The following UTS2B variants were observed in gnomAD, a reference collection of about 807,000 sequenced individuals.
UTS2B encodes urotensin-2B.
In UTS2B, 21 loss-of-function variants were observed where a neutral mutation model predicts 19.2. The ratio of observed to expected loss-of-function variants is 1.09; its 90% CI spans 0.78 to 1.58. UTS2B has a LOEUF of 1.58. UTS2B is among the 40% of genes most tolerant of loss of function. The probability of loss-of-function intolerance (pLI) is 0.00; values close to 1 mark genes in which losing one functional copy is unlikely to be tolerated. For missense variants in UTS2B, 138 were observed against 130.3 expected (o/e 1.06, Z -0.29); for synonymous variants, 57 against 50.2 (o/e 1.14, Z -0.58).
Position 191,268,424 on chromosome 3 carries a change from A to G in UTS2B, c.352T>C (p.Cys118Arg), listed in dbSNP as rs1423175618. The G allele has an allele frequency of 2.6e-6, 4 of 1,562,248 alleles. No individual in the cohort carries two copies. In the African/African-American group the frequency reaches 5.4e-5, roughly 21 times the overall value. ...PSKRACFWKYCV is the reference protein window; with the variant it reads ...PSKRACFWKYRV ...CATCCAGAGAAAAAGCTTTAAACAC[A>G]GTATTTCCAAAAGCAAGCTAAAGAA... Residue 118 changes from cysteine to arginine, a missense_variant, in exon 9 of 9, where the codon TGT (cysteine) becomes CGT (arginine). By Grantham distance (180) the Cys-to-Arg change is radical. Transcript: ENST00000340524.
At chr3:191,297,380 T>A (rs1324354466) in intron 4 of UTS2B, among the ~76,000 whole-genome samples, 1 of 152,194 alleles carries the variant, frequency 6.6e-6, no homozygotes, top group Non-Finnish European at 1.5e-5. Context: ...AAGAGACCAT[T>A]TCTTTGTTCA....
chr3:191,340,998 T>A, the UTS2B span, among the ~76,000 whole-genome samples: 1 of 151,796 alleles, frequency 6.6e-6, no homozygotes, highest in Non-Finnish European at 1.5e-5. Context: ...ATTAATTTTT[T>A]TTTTTTTGGT....
Position 191,282,072 on chromosome 3 carries a change from T to C in UTS2B, c.103+15A>G, listed in dbSNP as rs1021486342. The C allele has an allele frequency of 3.9e-6, 6 of 1,556,526 alleles. No homozygotes were observed. The African/African-American group carries it at 5.4e-5, about 14-fold the overall frequency. ...ACTTACCCACCTGTAGGATTTTTAA[T>C]TGATATGCACGTACCTTGGGTAAGA... On this transcript the variant is annotated intron_variant, in intron 5 of 8. Coordinates refer to ENST00000340524, the MANE Select transcript of UTS2B (RefSeq NM_198152.5).
At chr3:191,335,147 A>G (rs1260160355), upstream of UTS2B, among the ~76,000 whole-genome samples, 1 of 152,208 alleles carries the variant, frequency 6.6e-6, no homozygotes, top group Non-Finnish European at 1.5e-5. Context: ...ATTTTTCCTC[A>G]GTGACAAAAA....
At chr3:191,271,854 A>G (rs1333115278) in intron 8 of UTS2B, among the ~76,000 whole-genome samples, 2 of 152,300 alleles carry the variant, frequency 1.3e-5, no homozygotes. Flanking sequence ...CTAATCTTCT[A>G]CTCAATTTAC....
At chr3:191,334,419 G>A (rs1419815032), upstream of UTS2B, among the ~76,000 whole-genome samples, 3 of 152,106 alleles carry the variant, frequency 2.0e-5, no homozygotes, top group Non-Finnish European at 4.4e-5. Context: ...CTTAACGGAC[G>A]ACTCACACGT....
intron 3 of UTS2B, among the ~76,000 whole-genome samples, chr3:191,314,199 C>G (rs1428954022): frequency 6.6e-6 from 1 of 152,184 alleles, no homozygotes; most frequent in Non-Finnish European, 1.5e-5. Context: ...AATTCATTCC[C>G]TACTCTGTAG....
the UTS2B span, among the ~76,000 whole-genome samples, chr3:191,345,903 CTG>C: frequency 9.4e-3 from 1,438 of 152,294 alleles, 24 homozygotes; most frequent in Middle Eastern, 0.1. Flanking sequence ...CCTTGTAAAA[CTG>C]TTGATGATGC....
chr3:191,319,142 T>G (rs1717544853), intron 2 of UTS2B, among the ~76,000 whole-genome samples: 1 of 152,148 alleles, frequency 6.6e-6, no homozygotes, highest in Non-Finnish European at 1.5e-5. Flanking sequence ...ATTAGCTCCT[T>G]GTACTAATCA....
At chr3:191,329,386 C>T (rs1255080232) in intron 1 of UTS2B, 1 of 397,426 alleles carries the variant, frequency 2.5e-6, no homozygotes, top group Non-Finnish European at 4.4e-6. Flanking sequence ...ACTGGACGGC[C>T]CCGGTCCATT....
intron 4 of UTS2B, among the ~76,000 whole-genome samples, chr3:191,283,829 T>C (rs930500840): frequency 3.3e-5 from 5 of 152,228 alleles, no homozygotes; most frequent in African/African-American, 9.6e-5. Flanking sequence ...TAAAAGCTTA[T>C]TCTTCCATAG....
intron 4 of UTS2B, among the ~76,000 whole-genome samples, chr3:191,302,438 T>A (rs765970584): frequency 5.4e-4 from 82 of 152,188 alleles, no homozygotes; most frequent in Non-Finnish European, 1.1e-3. Context: ...GGAGTAGCCA[T>A]ACTTGTATTC....
chr3:191,335,567 T>C, the UTS2B span, among the ~76,000 whole-genome samples: 2 of 152,148 alleles, frequency 1.3e-5, no homozygotes, highest in African/African-American at 4.8e-5. Context: ...TTAAAAGGAC[T>C]GTTAAGCAGA....
At chr3:191,304,872 T>C (rs974545912) in intron 3 of UTS2B, among the ~76,000 whole-genome samples, 1 of 152,190 alleles carries the variant, frequency 6.6e-6, no homozygotes, top group Admixed American at 6.5e-5. Context: ...CCCCTCTATG[T>C]GTCCATGTGT....
the UTS2B span, among the ~76,000 whole-genome samples, chr3:191,343,598 A>G: frequency 5.9e-5 from 9 of 152,210 alleles, no homozygotes; most frequent in African/African-American, 1.9e-4. Flanking sequence ...TGCTAAGTTC[A>G]TATATTCCTG....
intron 8 of UTS2B, among the ~76,000 whole-genome samples, chr3:191,273,011 CA>C (rs1276251678): frequency 6.7e-6 from 1 of 150,134 alleles, no homozygotes; most frequent in Non-Finnish European, 1.5e-5. Flanking sequence ...ACTAAAAATA[CA>C]AAAAAATTAG....
At chr3:191,273,948 A>G (rs1716162341) in intron 8 of UTS2B, among the ~76,000 whole-genome samples, 1 of 152,186 alleles carries the variant, frequency 6.6e-6, no homozygotes, top group Non-Finnish European at 1.5e-5. Flanking sequence ...CTAAAGATAC[A>G]AAACTTAGCC....
chr3:191,298,323 G>C (rs1324415662), intron 4 of UTS2B, among the ~76,000 whole-genome samples: 1 of 152,182 alleles, frequency 6.6e-6, no homozygotes, highest in Admixed American at 6.5e-5. Context: ...CCCAATATTG[G>C]AAGTGGATTC....
intron 8 of UTS2B, among the ~76,000 whole-genome samples, chr3:191,271,193 A>G (rs1716082429): frequency 9.4e-6 from 1 of 106,264 alleles, no homozygotes; most frequent in Non-Finnish European, 1.7e-5. Flanking sequence ...ACAGAGTGAG[A>G]CTCTCTCAAA....
Sources: gnomAD v4.1 joint callset for allele counts (sites outside exome capture counted in the v4.1 genomes callset) on GRCh38, gnomAD v4.1.1 for gene constraint, MANE v1.5 for transcripts, NCBI Gene and HGNC (gene_info 2026-07-23, HGNC 2026-07-21) for gene names.